The following NLGN2 variants were observed in gnomAD, a reference collection of about 807,000 sequenced individuals.
NLGN2 encodes the protein neuroligin-2.
NLGN2 carries 11 observed loss-of-function variants against 48.6 expected under a neutral mutation model. That is an observed-to-expected ratio of 0.23 (90% CI 0.14 to 0.37). The LOEUF is 0.37. NLGN2 is among the 10% of genes least tolerant of loss of function. The pLI is 1.00. For synonymous variants in NLGN2, 548 were observed against 550.0 expected, an observed-to-expected ratio of 1.00 and a Z score of 0.05; for missense variants, 801 against 1,225.2, an observed-to-expected ratio of 0.65 and a Z score of 5.17.
At position 7,417,661 on chromosome 17, in the gene NLGN2, G is replaced by A; in HGVS notation, c.2370G>A (p.Leu790=). ...TCTTGGCCCCCGGGGCCCTGACCCT[G>A]CTGCCCAGTGGCCTGGGGCCACCGC... ...VPLLAPGALT[L]LPSGLGPPPP... Residue 790 remains leucine (L), a synonymous_variant, in exon 7 of 7, where the codon CTG becomes CTA. Coordinates refer to ENST00000302926, the MANE Select transcript of NLGN2 (RefSeq NM_020795.4). The A allele has an allele frequency of 7.2e-7, 1 of 1,387,276 alleles. No individual in the cohort carries two copies. Among genetic ancestry groups the A allele is most frequent in the Non-Finnish European group, 9.3e-7 (1 of 1,079,036 alleles). 85.9% of individuals were successfully genotyped at this position (1,387,276 alleles called of 1,614,324 possible).
chr17:7,408,804 A>C lies in NLGN2; in HGVS notation c.457+92A>C. 1 of 1,602,088 alleles carries C rather than the reference A, an allele frequency of 6.2e-7. No homozygotes were observed. The highest frequency in any genetic ancestry group is 8.5e-7 in the Non-Finnish European group (1 of 1,175,742). ...AGGCACTGGCACCGCTCTAGGGCTC[A>C]GAGCTGGGCCTTTGTGGGGGCAGTG... On this transcript the variant is annotated intron_variant, in intron 1 of 6. Coordinates refer to ENST00000302926, the MANE Select transcript of NLGN2 (RefSeq NM_020795.4). This position sits in a 1 kb window ranked among gnomAD's most constrained non-coding sequence, Gnocchi z 7.5.
upstream of NLGN2, among the ~76,000 whole-genome samples, chr17:7,406,352 G>C (rs1465646430): frequency 1.3e-5 from 2 of 151,760 alleles, no homozygotes; most frequent in African/African-American, 4.8e-5. Flanking sequence ...AGGAGAGGGT[G>C]ACTGAGGCAG....
chr17:7,407,791 G>T (rs1376663266), upstream of NLGN2, among the ~76,000 whole-genome samples: 2 of 152,086 alleles, frequency 1.3e-5, no homozygotes, highest in African/African-American at 4.8e-5. Flanking sequence ...AGGGGAGAAG[G>T]GCTGCTGGGT....
At position 7,418,030 on chromosome 17, in the gene NLGN2, C is replaced by G. The variant is rs529292465; in HGVS notation, c.*231C>G. 1.3e-4 allele frequency: 46 copies of G among 353,958 alleles called. No individual in the cohort carries two copies. The South Asian group carries it at 1.6e-3, about 12-fold the overall frequency. The allele number at this position is 353,958 out of a possible 1,614,324, so 21.9% of individuals were successfully genotyped here. On this transcript the variant is annotated 3_prime_UTR_variant, in exon 7 of 7. Transcript: ENST00000302926. ...ACAACTGGGGGGCGTTTTCTCCCCCCCATTGGGACACCAGTCTTCGGTGTG... is the reference window on the plus strand; with the variant it reads ...ACAACTGGGGGGCGTTTTCTCCCCCGCATTGGGACACCAGTCTTCGGTGTG...
chr17:7,418,815 T>C lies in NLGN2; in HGVS notation c.*1016T>C, dbSNP rs759786973. The C allele has an allele frequency of 5.9e-5, 9 of 152,716 alleles. 1 individual carries two copies. The highest frequency in any genetic ancestry group is 2.1e-4 in the South Asian group (1 of 4,822). 9.5% of individuals were successfully genotyped at this position (152,716 alleles called of 1,614,324 possible). A position where few individuals can be genotyped will look rare whatever the true frequency, so the allele number is the denominator to read the frequency against. On this transcript the variant is annotated 3_prime_UTR_variant, in exon 7 of 7. Transcript: ENST00000302926. ...CACGCATGTTTGACCAAAGCCCTCA[T>C]TGTGGTCCGAGGACAGCCTTTTCCC... is the stretch of plus-strand genomic sequence containing the variant.
chr17:7,408,226 C>T lies in NLGN2; in HGVS notation c.-30C>T. ...CTCTCTCTCCGAGGGGGGGGGGTCC[C>T]AGGGAGGGAGGGGGGGTCCCCCGAT... On this transcript the variant is annotated 5_prime_UTR_variant, in exon 1 of 7. Coordinates refer to ENST00000302926, the MANE Select transcript of NLGN2 (RefSeq NM_020795.4). This position sits in a 1 kb window ranked among gnomAD's most constrained non-coding sequence, Gnocchi z 7.5. The T allele has an allele frequency of 1.7e-6, 2 of 1,197,492 alleles. No individual in the cohort carries two copies. Among genetic ancestry groups the T allele is most frequent in the Non-Finnish European group, 2.1e-6 (2 of 935,220 alleles). 74.2% of individuals were successfully genotyped at this position (1,197,492 alleles called of 1,614,324 possible). A position where few individuals can be genotyped will look rare whatever the true frequency, so the allele number is the denominator to read the frequency against.
Position 7,417,967 on chromosome 17 carries a change from A to G in NLGN2, c.*168A>G. 5.8e-6 allele frequency: 3 copies of G among 514,940 alleles called. No homozygotes were observed. Among genetic ancestry groups the G allele is most frequent in the African/African-American group, 2.0e-5 (1 of 50,650 alleles). The allele number at this position is 514,940 out of a possible 1,614,324, so 31.9% of individuals were successfully genotyped here. ...CCTGCGATGCGTGTCTTTCCCACGC[A>G]GAGAAGCCCAGTCTCTTCTCTGGAT... is the stretch of plus-strand genomic sequence containing the variant. On this transcript the variant is annotated 3_prime_UTR_variant, in exon 7 of 7. Coordinates refer to ENST00000302926, the MANE Select transcript of NLGN2 (RefSeq NM_020795.4).
upstream of NLGN2, chr17:7,404,790 C>G (rs2150808021): frequency 6.6e-6 from 1 of 152,234 alleles, no homozygotes; most frequent in East Asian, 1.9e-4. Context: ...GGAGGGCGGG[C>G]GGGCAGGCGG....
At chr17:7,407,373 G>T (rs1906688390), upstream of NLGN2, among the ~76,000 whole-genome samples, 2 of 152,198 alleles carry the variant, frequency 1.3e-5, no homozygotes, top group South Asian at 4.1e-4. Context: ...AATGGAGAGA[G>T]TCTGGGGAGA....
chr17:7,416,976 C>T lies in NLGN2; in HGVS notation c.1685C>T (p.Pro562Leu). The change falls in exon 7 of 7, where the codon CCC (proline) becomes CTC (leucine). Residue 562 changes from proline (P) to leucine (L), a missense_variant. Physicochemically the swap from Pro to Leu is moderately conservative, Grantham distance 98. This residue lies in a region of NLGN2 where 303 missense variants were observed against 600.1 expected (regional missense o/e 0.50). Coordinates refer to ENST00000302926, the MANE Select transcript of NLGN2 (RefSeq NM_020795.4). ...GATACCAAGTTCATCCACACCAAGC[C>T]CAATCGCTTCGAGGAGGTGGTGTGG... ...PQDTKFIHTK[P>L]NRFEEVVWSK... 3 of 1,614,126 alleles carry T rather than the reference C, an allele frequency of 1.9e-6. No homozygotes were observed. Among genetic ancestry groups the T allele is most frequent in the East Asian group, 2.2e-5 (1 of 44,888 alleles).
rs2150814458 is a variant in NLGN2, at chr17:7,412,187, C to T, written c.488C>T (p.Thr163Met). The change falls in exon 2 of 7, where the codon ACG becomes ATG. Residue 163 changes from threonine to methionine, a missense_variant. Thr to Met is a moderately conservative substitution (Grantham distance 81). Transcript: ENST00000302926. ...GPLTKKRDEA[T>M]LNPPDTDIRD... Reference sequence around the variant, plus strand: ...CTCACAAAAAAACGTGACGAGGCGACGCTCAATCCGCCAGACACAGGTAGA... The same window carrying T: ...CTCACAAAAAAACGTGACGAGGCGATGCTCAATCCGCCAGACACAGGTAGA... 2 of 1,611,474 alleles carry T rather than the reference C, an allele frequency of 1.2e-6. No homozygotes were observed. Among genetic ancestry groups the T allele is most frequent in the Middle Eastern group, 1.7e-4 (1 of 5,768 alleles).
intron 6 of NLGN2, 127 bp downstream of exon 6, chr17:7,416,234 T>C: frequency 1.4e-6 from 1 of 739,076 alleles, no homozygotes; most frequent in Admixed American, 2.1e-5. Context: ...CAGACACCTC[T>C]GTGCCAGGCA....
intron 1 of NLGN2, among the ~76,000 whole-genome samples, chr17:7,410,092 G>A (rs774191318): frequency 5.3e-5 from 8 of 151,876 alleles, no homozygotes; most frequent in Non-Finnish European, 7.4e-5. Flanking sequence ...CATCTGCACC[G>A]GACCTCAGGT....
Position 7,417,892 on chromosome 17 carries a change from G to A in NLGN2, c.*93G>A. On this transcript the variant is annotated 3_prime_UTR_variant, in exon 7 of 7. Transcript: ENST00000302926. ...ACTTGGCAACTGGCTTTTCTCCTGT[G>A]GAGTCGTCACACGCCATCCAGCAGC... is the stretch of plus-strand genomic sequence containing the variant. 8.0e-7 allele frequency: 1 copy of A among 1,257,854 alleles called. No individual in the cohort carries two copies. Among genetic ancestry groups the A allele is most frequent in the Non-Finnish European group, 1.0e-6 (1 of 982,498 alleles). The allele number at this position is 1,257,854 out of a possible 1,614,324, so 77.9% of individuals were successfully genotyped here. A position where few individuals can be genotyped will look rare whatever the true frequency, so the allele number is the denominator to read the frequency against.
At position 7,408,486 on chromosome 17, in the gene NLGN2, GC is replaced by G; in HGVS notation, c.235del (p.Leu79TrpfsTer101). 6.7e-7 allele frequency: 1 copy of G among 1,487,758 alleles called. No homozygotes were observed. The highest frequency in any genetic ancestry group is 2.3e-5 in the Admixed American group (1 of 43,580). 92.2% of individuals were successfully genotyped at this position (1,487,758 alleles called of 1,614,324 possible). A position where few individuals can be genotyped will look rare whatever the true frequency, so the allele number is the denominator to read the frequency against. ...QFLGVPYATP[P>X]LGARRFQPPE... ...TCTTGGGCGTGCCCTACGCCACGCC[GC>G]CCCTGGGCGCCCGCCGCTTCCAGCC... is the stretch of plus-strand genomic sequence containing the variant. On this transcript the variant is annotated frameshift_variant, in exon 1 of 7. Coordinates refer to ENST00000302926, the MANE Select transcript of NLGN2 (RefSeq NM_020795.4). LOFTEE classifies it high-confidence loss of function. This position sits in a 1 kb window ranked among gnomAD's most constrained non-coding sequence, Gnocchi z 7.5.
chr17:7,417,880 CT>C lies in NLGN2; in HGVS notation c.*85del. ...GCAGGGAGGAGGACTTGGCAACTGGCTTTTCTCCTGTGGAGTCGTCACACGC... is the reference window on the plus strand; with the variant it reads ...GCAGGGAGGAGGACTTGGCAACTGGCTTTCTCCTGTGGAGTCGTCACACGC... On this transcript the variant is annotated 3_prime_UTR_variant, in exon 7 of 7. Coordinates refer to ENST00000302926, the MANE Select transcript of NLGN2 (RefSeq NM_020795.4). 2.3e-6 allele frequency: 3 copies of C among 1,326,088 alleles called. No individual in the cohort carries two copies. The highest frequency in any genetic ancestry group is 2.3e-5 in the South Asian group (1 of 43,908). 82.1% of individuals were successfully genotyped at this position (1,326,088 alleles called of 1,614,324 possible). A position where few individuals can be genotyped will look rare whatever the true frequency, so the allele number is the denominator to read the frequency against.
At position 7,408,404 on chromosome 17, in the gene NLGN2, G is replaced by A. The variant is rs1306151640; in HGVS notation, c.149G>A (p.Arg50Gln). 1.3e-6 allele frequency: 2 copies of A among 1,558,366 alleles called. No individual in the cohort carries two copies. Among genetic ancestry groups the A allele is most frequent in the African/African-American group, 1.4e-5 (1 of 70,336 alleles). Residue 50 changes from arginine to glutamine, a missense_variant, in exon 1 of 7, where the codon CGA (arginine) becomes CAA (glutamine). By Grantham distance (43) the Arg-to-Gln change is conservative. Transcript: ENST00000302926. The surrounding 1 kb of genome is among the most constrained non-coding windows in gnomAD (Gnocchi z 7.5). ...RFPVVNTAYG[R>Q]VRGVRRELNN... ...CCGGTGGTGAACACGGCCTACGGGC[G>A]AGTGCGCGGTGTGCGGCGCGAGCTC...
Position 7,407,917 on chromosome 17 carries a change from T to G in NLGN2, c.-339T>G. On this transcript the variant is annotated 5_prime_UTR_variant, in exon 1 of 7. Transcript: ENST00000302926. ...TCCCCATTCCTTTCTGTCTGCCCCA[T>G]CCAATTTCCCTTGCCCTCTTCCACC... 1 of 190,140 alleles carries G rather than the reference T, an allele frequency of 5.3e-6. No individual in the cohort carries two copies. The highest frequency in any genetic ancestry group is 1.1e-5 in the Non-Finnish European group (1 of 92,778). The allele number at this position is 190,140 out of a possible 1,614,324, so 11.8% of individuals were successfully genotyped here. A position where few individuals can be genotyped will look rare whatever the true frequency, so the allele number is the denominator to read the frequency against.
At chr17:7,406,936 T>C (rs904897388), upstream of NLGN2, among the ~76,000 whole-genome samples, 7 of 152,148 alleles carry the variant, frequency 4.6e-5, no homozygotes, top group East Asian at 1.4e-3. Flanking sequence ...TCCTGTGATG[T>C]CTCTTCAAGC....
Sources: gnomAD v4.1 joint callset for allele counts (sites outside exome capture counted in the v4.1 genomes callset) on GRCh38, gnomAD v4.1.1 for gene constraint, gnomAD v4.1.1 regional missense constraint, Gnocchi (gnomAD v3.1) non-coding constraint, MANE v1.5 for transcripts, NCBI Gene and HGNC (gene_info 2026-07-23, HGNC 2026-07-21) for gene names.